FAM234A: variants seen among roughly 807,000 people sequenced by gnomAD.
The protein encoded by FAM234A is family with sequence similarity 234 member A, also known as protein FAM234A.
A neutral mutation model predicts 49.1 loss-of-function variants in FAM234A; 42 were observed. The observed-to-expected ratio is 0.86, with a 90% confidence interval of 0.67 to 1.11. FAM234A has a LOEUF of 1.11. Ranked by LOEUF, FAM234A falls within the 50% of genes least tolerant of loss-of-function variation. The pLI is 0.00. For synonymous variants in FAM234A, 369 were observed against 316.2 expected (o/e 1.17, Z -1.77); for missense variants, 815 against 745.2 (o/e 1.09, Z -1.09).
Position 263,366 on chromosome 16 carries a change from C to T in FAM234A, c.1076C>T (p.Thr359Met), listed in dbSNP as rs375467779. 12 of 1,611,966 alleles carry T rather than the reference C, an allele frequency of 7.4e-6. No homozygotes were observed. Among genetic ancestry groups the T allele is most frequent in the Middle Eastern group, 1.6e-4 (1 of 6,084 alleles). The change falls in exon 9 of 13, where the codon ACG becomes ATG. Residue 359 changes from threonine to methionine, a missense_variant. Coordinates refer to ENST00000399932, the MANE Select transcript of FAM234A (RefSeq NM_032039.4). Reference sequence around the variant, plus strand: ...GTGCTGCTGGACGGGCAGGAGCTGACGCCTCGCTGGACACCCAAGGCAGCC... The same window carrying T: ...GTGCTGCTGGACGGGCAGGAGCTGATGCCTCGCTGGACACCCAAGGCAGCC... ...AFVLLDGQEL[T>M]PRWTPKAAHV...
chr16:268,881 G>T (rs1450589446), downstream of FAM234A: 3 of 1,550,564 alleles, frequency 1.9e-6, no homozygotes, highest in South Asian at 1.2e-5. Flanking sequence ...GCCCGCCTGT[G>T]CATCTTGCTT....
chr16:269,309 G>T (rs1265465867), downstream of FAM234A: 6 of 1,594,078 alleles, frequency 3.8e-6, no homozygotes. Context: ...ACAAGCCGCT[G>T]TGGGCTCCAC....
At chr16:249,810 A>G (rs942971935) in intron 2 of FAM234A, among the ~76,000 whole-genome samples, 156 bp downstream of exon 2, 7 of 151,998 alleles carry the variant, frequency 4.6e-5, no homozygotes, top group African/African-American at 1.7e-4. Context: ...CAGAGCTCGA[A>G]TTTCTTGGCT....
chr16:265,940 CTG>C lies in FAM234A; in HGVS notation c.*921_*922del. 1 of 986,026 alleles carries C rather than the reference CTG, an allele frequency of 1.0e-6. No homozygotes were observed. The highest frequency in any genetic ancestry group is 1.2e-6 in the Non-Finnish European group (1 of 830,096). 61.1% of individuals were successfully genotyped at this position (986,026 alleles called of 1,614,324 possible). On this transcript the variant is annotated 3_prime_UTR_variant, in exon 13 of 13. Transcript: ENST00000399932. ...GTGCCACCCGATGCAGGACTCACCT[CTG>C]TGCCTTGCTGCTCCTGAGGCCCAAG...
chr16:252,184 T>C (rs1567215708), intron 2 of FAM234A, among the ~76,000 whole-genome samples: 3 of 128,802 alleles, frequency 2.3e-5, no homozygotes, highest in Non-Finnish European at 4.7e-5. Flanking sequence ...TTCTGTTTTT[T>C]GTTTTTTTTT....
chr16:240,419 T>A (rs1030757330), intron 1 of FAM234A: 1 of 152,180 alleles, frequency 6.6e-6, no homozygotes, highest in African/African-American at 2.4e-5. Flanking sequence ...AATACTGAGT[T>A]CTCTGGGGTG....
chr16:237,781 G>C (rs2050453997), intron 1 of FAM234A, among the ~76,000 whole-genome samples: 1 of 147,542 alleles, frequency 6.8e-6, no homozygotes, highest in South Asian at 2.1e-4. Flanking sequence ...ACGTGATCTT[G>C]GCTCATTCCG....
chr16:244,854 AT>A (rs1203898846), intron 1 of FAM234A, among the ~76,000 whole-genome samples: 3 of 147,268 alleles, frequency 2.0e-5, no homozygotes, highest in Non-Finnish European at 3.0e-5. Flanking sequence ...CGCCCGGCTA[AT>A]TTTTTTTTGT....
Position 264,799 on chromosome 16 carries a change from C to T in FAM234A, c.1448-12C>T, listed in dbSNP as rs1402800543. ...CTGAGCCGCCCTGACAGCTGTGTCCCCCACCCTGCAGCCGTCCTGTTTGAG... is the reference window on the plus strand; with the variant it reads ...CTGAGCCGCCCTGACAGCTGTGTCCTCCACCCTGCAGCCGTCCTGTTTGAG... On this transcript the variant is annotated splice_polypyrimidine_tract_variant and intron_variant, in intron 12 of 12. Transcript: ENST00000399932. 2 of 1,607,840 alleles carry T rather than the reference C, an allele frequency of 1.2e-6. No homozygotes were observed. Among genetic ancestry groups the T allele is most frequent in the South Asian group, 2.2e-5 (2 of 90,888 alleles).
At chr16:238,035 T>C (rs2050463903) in intron 1 of FAM234A, among the ~76,000 whole-genome samples, 1 of 151,654 alleles carries the variant, frequency 6.6e-6, no homozygotes, top group Non-Finnish European at 1.5e-5. Context: ...TTTATTTATT[T>C]TGAGATGGAT....
downstream of FAM234A, among the ~76,000 whole-genome samples, chr16:267,693 TAC>T (rs1374541543): frequency 6.1e-5 from 9 of 147,484 alleles, no homozygotes; most frequent in East Asian, 4.1e-4. Context: ...ACACGTGCAC[TAC>T]ACACAATCAC....
rs753007286 is a variant in FAM234A at position 265,026 on chromosome 16, C to CA, written c.*5dup. On this transcript the variant is annotated 3_prime_UTR_variant, in exon 13 of 13. Transcript: ENST00000399932. The stretch of plus-strand genomic sequence containing the variant: ...GCGGTACCAGAGTGAGGCGTAGAGG[C>CA]ACGCCAGCCAGAGCCTGTGGAGAGA... The CA allele has an allele frequency of 9.4e-6, 15 of 1,593,862 alleles. No individual in the cohort carries two copies. The highest frequency in any genetic ancestry group is 9.0e-5 in the East Asian group (4 of 44,468).
At chr16:252,191 T>TG (rs1232968706) in intron 2 of FAM234A, among the ~76,000 whole-genome samples, 2 of 146,302 alleles carry the variant, frequency 1.4e-5, no homozygotes, top group Admixed American at 6.8e-5. Context: ...TTTTGTTTTT[T>TG]TTTTTTTTTT....
chr16:265,461 C>T lies in FAM234A; in HGVS notation c.*439C>T, dbSNP rs2141381842. On this transcript the variant is annotated 3_prime_UTR_variant, in exon 13 of 13. Coordinates refer to ENST00000399932, the MANE Select transcript of FAM234A (RefSeq NM_032039.4). ...CGGGACAGGCCGTCCCCCACCCCAT[C>T]CTGTAGAAGTCCATTCCCCTTTTCC... is the stretch of plus-strand genomic sequence containing the variant. 1 of 998,584 alleles carries T rather than the reference C, an allele frequency of 1.0e-6. No homozygotes were observed. Among genetic ancestry groups the T allele is most frequent in the East Asian group, 1.1e-4 (1 of 9,286 alleles). 61.9% of individuals were successfully genotyped at this position (998,584 alleles called of 1,614,324 possible). A position where few individuals can be genotyped will look rare whatever the true frequency, so the allele number is the denominator to read the frequency against.
At chr16:239,969 G>A (rs949059788) in intron 1 of FAM234A, among the ~76,000 whole-genome samples, 9 of 152,160 alleles carry the variant, frequency 5.9e-5, no homozygotes, top group Non-Finnish European at 7.3e-5. Flanking sequence ...ATTATTCTTG[G>A]TGGAGAGAGA....
At chr16:253,245 G>C (rs1054196498) in intron 2 of FAM234A, among the ~76,000 whole-genome samples, 4 of 152,164 alleles carry the variant, frequency 2.6e-5, no homozygotes, top group Non-Finnish European at 4.4e-5. Flanking sequence ...CCAGGGGAAG[G>C]AGAGGGCATG....
intron 1 of FAM234A, among the ~76,000 whole-genome samples, chr16:246,797 TG>T (rs2050828467): frequency 2.1e-5 from 3 of 143,526 alleles, no homozygotes; most frequent in African/African-American, 7.8e-5. Flanking sequence ...TTTTTTGAGA[TG>T]GGGGTCTTGC....
Position 259,521 on chromosome 16 carries a change from G to T in FAM234A, c.307G>T (p.Asp103Tyr). 1 of 1,612,390 alleles carries T rather than the reference G, an allele frequency of 6.2e-7. No homozygotes were observed. The highest frequency in any genetic ancestry group is 1.1e-5 in the South Asian group (1 of 91,050). Reference protein sequence around the residue: ...DFLAVDDINGDRIQDVLFLYK... With the variant: ...DFLAVDDINGYRIQDVLFLYK... The stretch of plus-strand genomic sequence containing the variant: ...TCTGGCTGTGGATGATATAAACGGG[G>T]ACAGGATCCAAGATGTTCTTTTTCT... The change falls in exon 4 of 13, where the codon GAC (aspartate) becomes TAC (tyrosine). Residue 103 changes from aspartate to tyrosine, a missense_variant. Asp to Tyr is a radical substitution (Grantham distance 160). Coordinates refer to ENST00000399932, the MANE Select transcript of FAM234A (RefSeq NM_032039.4).
At chr16:266,187 AC>A, downstream of FAM234A, 4 of 830,856 alleles carry the variant, frequency 4.8e-6, no homozygotes, top group South Asian at 5.5e-5. Flanking sequence ...TGGAGGAGTG[AC>A]CAGGAATTTG....
Sources: allele counts gnomAD v4.1 joint callset (sites outside exome capture counted in the v4.1 genomes callset), GRCh38; gene constraint gnomAD v4.1.1; transcripts MANE v1.5; gene names NCBI Gene and HGNC (gene_info 2026-07-23, HGNC 2026-07-21).